The following GINS1 variants were observed in gnomAD, a reference collection of about 807,000 sequenced individuals.
GINS1 encodes DNA replication complex GINS protein PSF1.
GINS1 carries 26 observed loss-of-function variants against 34.9 expected under a neutral mutation model. The observed-to-expected ratio is 0.74, with a 90% CI of 0.55 to 1.03. GINS1 has a LOEUF of 1.03. Among genes scored for constraint, GINS1 ranks in the 50% least tolerant of loss-of-function variants. GINS1 has a pLI of 0.00. For synonymous variants in GINS1, 97 were observed against 84.4 expected, an observed-to-expected ratio of 1.15 and a Z score of -0.82; for missense variants, 235 against 237.9, an observed-to-expected ratio of 0.99 and a Z score of 0.08.
intron 5 of GINS1, among the ~76,000 whole-genome samples, chr20:25,429,895 T>G (rs193244328): frequency 1.3e-5 from 2 of 152,190 alleles, no homozygotes; most frequent in African/African-American, 4.8e-5. Flanking sequence ...CTTAGTGAAC[T>G]TAGAGGAAAA....
intron 5 of GINS1, among the ~76,000 whole-genome samples, chr20:25,435,619 G>T (rs1011489254): frequency 1.3e-5 from 2 of 151,808 alleles, no homozygotes; most frequent in Non-Finnish European, 2.9e-5. Flanking sequence ...TTAGCCGGGT[G>T]TGGTGGTGCA....
intron 4 of GINS1, among the ~76,000 whole-genome samples, chr20:25,423,682 C>G (rs1414568512): frequency 6.8e-6 from 1 of 147,878 alleles, no homozygotes; most frequent in African/African-American, 2.5e-5. Flanking sequence ...GGCATGATCT[C>G]AGCTCACTGC....
Position 25,425,241 on chromosome 20 carries a change from C to T in GINS1, c.361C>T (p.Leu121Phe). The T allele has an allele frequency of 6.5e-7, 1 of 1,538,072 alleles. No individual in the cohort carries two copies. Among genetic ancestry groups the T allele is most frequent in the Non-Finnish European group, 9.0e-7 (1 of 1,111,446 alleles). Reference protein sequence around the residue: ...MEWFNNYKRSLATYMRSLGGD... With the variant: ...MEWFNNYKRSFATYMRSLGGD... ...GTGGTTTAATAATTATAAAAGATCT[C>T]TTGCTACTTATATGAGGTCACTGGG... is the stretch of plus-strand genomic sequence containing the variant. The change falls in exon 5 of 7, where the codon CTT (leucine) becomes TTT (phenylalanine). Residue 121 changes from leucine (L) to phenylalanine (F), a missense_variant. Physicochemically the swap from Leu to Phe is conservative, Grantham distance 22. Coordinates refer to ENST00000262460, the MANE Select transcript of GINS1 (RefSeq NM_021067.5).
At chr20:25,413,630 A>G (rs541834102) in intron 1 of GINS1, 160 bp from the exon 2 acceptor site, 70 of 598,906 alleles carry the variant, frequency 1.2e-4, no homozygotes, top group Non-Finnish European at 1.7e-4. Flanking sequence ...GTTTCTCCGC[A>G]TCTCACCAAC....
At chr20:25,409,153 G>A (rs1344698172) in intron 1 of GINS1, 1 of 351,114 alleles carries the variant, frequency 2.8e-6, no homozygotes, top group Non-Finnish European at 4.0e-6. Flanking sequence ...TAGGGCCTGT[G>A]GGGAGTCTAG....
intron 6 of GINS1, among the ~76,000 whole-genome samples, chr20:25,444,565 A>G (rs1421570106): frequency 6.6e-6 from 1 of 152,166 alleles, no homozygotes; most frequent in East Asian, 1.9e-4. Flanking sequence ...CAGGACCTTC[A>G]GGTGCACATG....
intron 6 of GINS1, among the ~76,000 whole-genome samples, chr20:25,444,436 C>T (rs1402298460): frequency 9.9e-5 from 15 of 152,182 alleles, no homozygotes; most frequent in Non-Finnish European, 5.9e-5. Flanking sequence ...ATTAAATGAA[C>T]AACTCAGTTA....
intron 2 of GINS1, 97 bp downstream of exon 2, chr20:25,413,951 G>A (rs539631966): frequency 1.4e-6 from 1 of 720,518 alleles, no homozygotes; most frequent in East Asian, 2.8e-5. Flanking sequence ...CAGCACTTTG[G>A]GAGGCTGAGG....
At chr20:25,436,137 A>G (rs73107502) in intron 5 of GINS1, among the ~76,000 whole-genome samples, 4,635 of 151,990 alleles carry the variant, frequency 0.03, 122 homozygotes, top group Non-Finnish European at 0.044. Context: ...CTTTTTCTAG[A>G]TAACAGGGTC....
chr20:25,422,869 C>T (rs937057179), intron 4 of GINS1, among the ~76,000 whole-genome samples: 6 of 151,566 alleles, frequency 4.0e-5, no homozygotes, highest in East Asian at 1.9e-4. Context: ...CCCCGCCTCC[C>T]GGGTTCAAGC....
chr20:25,435,724 C>G (rs2090450376), intron 5 of GINS1, among the ~76,000 whole-genome samples: 1 of 143,246 alleles, frequency 7.0e-6, no homozygotes, highest in Non-Finnish European at 1.5e-5. Flanking sequence ...GAGATCACAC[C>G]ACTGCACTCC....
chr20:25,443,479 T>TC (rs1279443033), intron 6 of GINS1, among the ~76,000 whole-genome samples: 12 of 148,572 alleles, frequency 8.1e-5, no homozygotes, highest in East Asian at 5.9e-4. Flanking sequence ...TGAATTTCTT[T>TC]TTTTTTTTTT....
intron 5 of GINS1, among the ~76,000 whole-genome samples, chr20:25,432,395 C>T (rs1255577109): frequency 4.6e-5 from 7 of 151,960 alleles, no homozygotes; most frequent in Admixed American, 6.6e-5. Flanking sequence ...CTCCGCCTCC[C>T]GAGTTCAAAT....
At chr20:25,439,298 C>A (rs2090470110) in intron 5 of GINS1, among the ~76,000 whole-genome samples, 2 of 152,188 alleles carry the variant, frequency 1.3e-5, no homozygotes, top group Non-Finnish European at 2.9e-5. Flanking sequence ...GTAGACCTAA[C>A]TTCCATTTTA....
chr20:25,415,535 A>T (rs2090314975), intron 2 of GINS1, among the ~76,000 whole-genome samples: 1 of 152,044 alleles, frequency 6.6e-6, no homozygotes, highest in South Asian at 2.1e-4. Flanking sequence ...AAAATACAAA[A>T]TTAGCCATGC....
At chr20:25,439,292 A>G (rs1401907807) in intron 5 of GINS1, among the ~76,000 whole-genome samples, 2 of 152,200 alleles carry the variant, frequency 1.3e-5, no homozygotes. Flanking sequence ...TCTGATGTAG[A>G]CCTAACTTCC....
chr20:25,421,859 C>T (rs573938929), intron 4 of GINS1, among the ~76,000 whole-genome samples: 25 of 152,222 alleles, frequency 1.6e-4, no homozygotes, highest in African/African-American at 5.5e-4. Context: ...TTACACTCTT[C>T]TCAGTGGAGA....
At chr20:25,440,235 A>G (rs2090475147) in intron 5 of GINS1, among the ~76,000 whole-genome samples, 1 of 151,570 alleles carries the variant, frequency 6.6e-6, no homozygotes, top group Admixed American at 6.6e-5. Flanking sequence ...TCCTGACTTC[A>G]GGTGATCCAC....
intron 5 of GINS1, among the ~76,000 whole-genome samples, chr20:25,426,782 C>G (rs1293272467): frequency 6.6e-6 from 1 of 152,040 alleles, no homozygotes; most frequent in Non-Finnish European, 1.5e-5. Context: ...TCCTCGGCCT[C>G]CCAAAGTGCT....
Sources: gnomAD v4.1 joint callset for allele counts (sites outside exome capture counted in the v4.1 genomes callset) on GRCh38, gnomAD v4.1.1 for gene constraint, MANE v1.5 for transcripts, NCBI Gene and HGNC (gene_info 2026-07-23, HGNC 2026-07-21) for gene names.